The following MPHOSPH9 variants were observed in gnomAD, a reference collection of about 807,000 sequenced individuals.
MPHOSPH9 encodes M-phase phosphoprotein 9.
Under a neutral mutation model 145.5 loss-of-function variants are expected in MPHOSPH9, and 88 were observed. That is an observed-to-expected ratio of 0.60 (90% CI 0.51 to 0.72). MPHOSPH9 has a LOEUF of 0.72. MPHOSPH9 is among the 30% of genes least tolerant of loss of function. The pLI, the probability that MPHOSPH9 is intolerant of heterozygous loss-of-function variation, is 0.00. For synonymous variants in MPHOSPH9, 435 were observed against 486.2 expected, an observed-to-expected ratio of 0.89 and a Z score of 1.39; for missense variants, 1,238 against 1,386.6, an observed-to-expected ratio of 0.89 and a Z score of 1.70.
At chr12:123,221,947 T>G (rs762904681) in intron 4 of MPHOSPH9, 52 bp from the exon 5 acceptor site, 11 of 897,566 alleles carry the variant, frequency 1.2e-5, no homozygotes, top group Non-Finnish European at 1.8e-5. Flanking sequence ...AAACATCATA[T>G]TTTTATGACT....
intron 15 of MPHOSPH9, among the ~76,000 whole-genome samples, chr12:123,179,396 AAACC>A (rs1470709804): frequency 6.6e-6 from 1 of 152,220 alleles, no homozygotes; most frequent in Non-Finnish European, 1.5e-5. Context: ...CAACATGGCG[AAACC>A]CTGTCTCTAT....
chr12:123,237,473 G>C (rs2047869610), upstream of MPHOSPH9, among the ~76,000 whole-genome samples: 1 of 152,174 alleles, frequency 6.6e-6, no homozygotes, highest in South Asian at 2.1e-4. Context: ...TGTGTGAAGT[G>C]AATGTTTTCC....
At chr12:123,160,681 C>G (rs527962274) in intron 23 of MPHOSPH9, 100 bp downstream of exon 23, 2 of 1,103,296 alleles carry the variant, frequency 1.8e-6, no homozygotes, top group East Asian at 5.0e-5. Context: ...TTCAGTGTGT[C>G]TAATTTTCAC....
rs4044136 is a variant in MPHOSPH9, at chr12:123,193,108, TACACACACACAC to T, written c.2241+1266_2241+1277del. Among the ~76,000 whole-genome samples, 293 of 94,900 alleles carry T rather than the reference TACACACACACAC, an allele frequency of 3.1e-3. 3 individuals carry two copies. Among genetic ancestry groups the T allele is most frequent in the African/African-American group, 8.8e-3 (209 of 23,832 alleles). The allele number at this position is 94,900 out of a possible 152,430, so 62.3% of individuals were successfully genotyped here. A position where few individuals can be genotyped will look rare whatever the true frequency, so the allele number is the denominator to read the frequency against. On this transcript the variant is annotated intron_variant, in intron 13 of 23. Coordinates refer to ENST00000606320, the MANE Select transcript of MPHOSPH9 (RefSeq NM_022782.4). ...AAAAAAAAAAAAAAATATATATATA[TACACACACACAC>T]ACACACACACACACACACACACACA...
At chr12:123,240,652 G>A (rs569322094) in intron 1 of MPHOSPH9, 29 of 148,858 alleles carry the variant, frequency 1.9e-4, no homozygotes, top group East Asian at 3.9e-4. Context: ...GATAAATGGC[G>A]TCCAGAAGGC....
intron 8 of MPHOSPH9, among the ~76,000 whole-genome samples, chr12:123,207,756 G>C (rs1186293229): frequency 6.6e-6 from 1 of 151,872 alleles, no homozygotes; most frequent in Non-Finnish European, 1.5e-5. Flanking sequence ...GGAAGGTTGA[G>C]GTGGGAGAAT....
At position 123,175,637 on chromosome 12, in the gene MPHOSPH9, C is replaced by T. The variant is rs74922798; in HGVS notation, c.2456+1051G>A. On this transcript the variant is annotated intron_variant, in intron 16 of 23. Coordinates refer to ENST00000606320, the MANE Select transcript of MPHOSPH9 (RefSeq NM_022782.4). ...GCAATTTCTCTGCATGGACCACCTC[C>T]CAGACACCCCACCCTGCCCACCCTC... Among the ~76,000 whole-genome samples the T allele has an allele frequency of 8.0e-3, 1,204 of 151,154 alleles. 14 individuals are homozygous for T. The highest frequency in any genetic ancestry group is 0.027 in the African/African-American group (1,103 of 41,012).
Position 123,154,341 on chromosome 12 carries a change from G to A in MPHOSPH9, c.*2466C>T, listed in dbSNP as rs1293447707. Reference sequence around the variant, plus strand: ...ATTGCCATCTTTCCTGCTTTTAGGTGGAGTGTTTTTTCAGTTGAGTGTTCA... The same window carrying A: ...ATTGCCATCTTTCCTGCTTTTAGGTAGAGTGTTTTTTCAGTTGAGTGTTCA... On this transcript the variant is annotated 3_prime_UTR_variant, in exon 24 of 24. Transcript: ENST00000606320. 1.3e-5 allele frequency: 2 copies of A among 151,930 alleles called. No individual in the cohort carries two copies. The highest frequency in any genetic ancestry group is 4.8e-5 in the African/African-American group (2 of 41,332). The allele number at this position is 151,930 out of a possible 1,614,324, so 9.4% of individuals were successfully genotyped here.
At position 123,221,492 on chromosome 12, in the gene MPHOSPH9, T is replaced by A. The variant is rs745487997; in HGVS notation, c.752A>T (p.Gln251Leu). The A allele has an allele frequency of 1.9e-6, 3 of 1,614,170 alleles. No homozygotes were observed. The South Asian group carries it at 3.3e-5, about 18-fold the overall frequency. The change falls in exon 5 of 24, where the codon CAG becomes CTG. Residue 251 changes from glutamine (Q) to leucine (L), a missense_variant. Around this residue, in one of 3 missense-constraint regions of MPHOSPH9, gnomAD observed 837 missense variants for 897.5 expected, o/e 0.93. Coordinates refer to ENST00000606320, the MANE Select transcript of MPHOSPH9 (RefSeq NM_022782.4). ...AGACACATGACACTCTTCAGGAGTC[T>A]GTATATAAAAATTCTCATTTTTCAC... Reference protein sequence around the residue: ...DGVKNENFYIQTPEECHVSLK... With the variant: ...DGVKNENFYILTPEECHVSLK...
intron 8 of MPHOSPH9, among the ~76,000 whole-genome samples, chr12:123,207,441 T>C (rs567336899): frequency 1.8e-4 from 27 of 152,234 alleles, no homozygotes; most frequent in Non-Finnish European, 3.5e-4. Context: ...GAGACTCTGA[T>C]GCTTACAAGT....
chr12:123,184,655 G>A (rs1174637755), intron 13 of MPHOSPH9, among the ~76,000 whole-genome samples: 4 of 151,602 alleles, frequency 2.6e-5, no homozygotes, highest in African/African-American at 7.3e-5. Context: ...CCGCTACCAC[G>A]CCCAGCTAAT....
rs566069916 is a variant in MPHOSPH9, at chr12:123,231,295, T to C, written c.-158-773A>G. ...TTTACAATGAAAGTTCTAGATATAA[T>C]TCTATTATGTAACAATTGGAATACT... On this transcript the variant is annotated intron_variant, in intron 1 of 23. Coordinates refer to ENST00000606320, the MANE Select transcript of MPHOSPH9 (RefSeq NM_022782.4). Among the ~76,000 whole-genome samples, 4 of 152,324 alleles carry C rather than the reference T, an allele frequency of 2.6e-5. No homozygotes were observed. In the South Asian group the frequency reaches 8.3e-4, roughly 32 times the overall value.
rs551361009 is a variant in MPHOSPH9 at position 123,185,477 on chromosome 12, C to T, written c.2242-4267G>A. Among the ~76,000 whole-genome samples, 46 of 152,278 alleles carry T rather than the reference C, an allele frequency of 3.0e-4. No homozygotes were observed. The South Asian group carries it at 7.7e-3, about 25-fold the overall frequency. Reference sequence around the variant, plus strand: ...ATGCAATGTGGGCCAGGCACATTGGCTCATGCCTGTAATCCCAGCACTTTG... The same window carrying T: ...ATGCAATGTGGGCCAGGCACATTGGTTCATGCCTGTAATCCCAGCACTTTG... On this transcript the variant is annotated intron_variant, in intron 13 of 23. Transcript: ENST00000606320.
chr12:123,214,680 C>G (rs1355525657), intron 7 of MPHOSPH9, 64 bp downstream of exon 7: 2 of 1,302,900 alleles, frequency 1.5e-6, no homozygotes, highest in East Asian at 2.3e-5. Flanking sequence ...CTCTAAAAAT[C>G]TAAGTACCTT....
chr12:123,214,544 AAAAC>A (rs1038550258), intron 7 of MPHOSPH9, among the ~76,000 whole-genome samples, 196 bp downstream of exon 7: 1 of 152,176 alleles, frequency 6.6e-6, no homozygotes, highest in Non-Finnish European at 1.5e-5. Flanking sequence ...CTCAAAAAAC[AAAAC>A]AAACAAAGGT....
intron 16 of MPHOSPH9, among the ~76,000 whole-genome samples, chr12:123,171,078 C>G (rs1251271798): frequency 6.6e-6 from 1 of 152,132 alleles, no homozygotes; most frequent in Non-Finnish European, 1.5e-5. Flanking sequence ...AGAAAGTTAT[C>G]TTTTTCTTAT....
At chr12:123,163,308 G>A (rs112044048) in intron 19 of MPHOSPH9, 174 bp from the exon 20 acceptor site, 4 of 642,650 alleles carry the variant, frequency 6.2e-6, no homozygotes, top group Non-Finnish European at 9.8e-6. Flanking sequence ...CTAACACCTA[G>A]AGGTAACCAC....
In MPHOSPH9 at chr12:123,165,473, G is replaced by A. The variant is rs747612987; in HGVS notation, c.2596C>T (p.Arg866Cys). Reference protein sequence around the residue: ...QLEETCSLGHRSPLEKDSSPG... With the variant: ...QLEETCSLGHCSPLEKDSSPG... ...GAAGAATCCTTTTCCAGAGGTGAAC[G>A]GTGCCTTAAACAATAATTTTAAGAC... The change falls in exon 18 of 24, where the codon CGT becomes TGT. Residue 866 changes from arginine to cysteine, a missense_variant. Transcript: ENST00000606320. 11 of 1,612,758 alleles carry A rather than the reference G, an allele frequency of 6.8e-6. No homozygotes were observed. The highest frequency in any genetic ancestry group is 1.7e-5 in the Admixed American group (1 of 59,854).
At chr12:123,199,981 T>C (rs1206844888) in intron 11 of MPHOSPH9, among the ~76,000 whole-genome samples, 5 of 152,102 alleles carry the variant, frequency 3.3e-5, no homozygotes, top group African/African-American at 9.7e-5. Context: ...CATGAAATAC[T>C]GATGAGACTA....
Sources: allele counts gnomAD v4.1 joint callset (sites outside exome capture counted in the v4.1 genomes callset), GRCh38; gene constraint gnomAD v4.1.1; regional missense constraint gnomAD v4.1.1; transcripts MANE v1.5; gene names NCBI Gene and HGNC (gene_info 2026-07-23, HGNC 2026-07-21).